The following CDIN1 variants were observed in gnomAD, a reference collection of about 807,000 sequenced individuals.
CDIN1 encodes CDAN1-interacting nuclease 1.
In CDIN1, 33 loss-of-function variants were observed where a neutral mutation model predicts 45.3. The observed-to-expected ratio is 0.73, with a 90% CI of 0.55 to 0.97. The LOEUF (loss-of-function observed/expected upper bound fraction) is 0.97. Ranked by LOEUF, CDIN1 falls within the 50% of genes least tolerant of loss-of-function variation. The pLI is 0.00. For synonymous variants in CDIN1, 118 were observed against 124.4 expected, an observed-to-expected ratio of 0.95 and a Z score of 0.34; for missense variants, 303 against 339.4, an observed-to-expected ratio of 0.89 and a Z score of 0.84.
chr15:36,625,352 CAT>C (rs1169435619), intron 1 of CDIN1, among the ~76,000 whole-genome samples: 2 of 151,930 alleles, frequency 1.3e-5, no homozygotes, highest in Non-Finnish European at 2.9e-5. Context: ...GCTTATTAGA[CAT>C]AGACTAGTAG....
intron 1 of CDIN1, among the ~76,000 whole-genome samples, chr15:36,603,291 CT>C (rs1177665150): frequency 6.6e-6 from 1 of 152,166 alleles, no homozygotes; most frequent in Admixed American, 6.5e-5. Context: ...ACCCGTCTCT[CT>C]GGTGGTTGTT....
chr15:36,703,211 C>T (rs1472987437), intron 8 of CDIN1, among the ~76,000 whole-genome samples: 1 of 51,738 alleles, frequency 1.9e-5, no homozygotes, highest in African/African-American at 1.1e-4. Flanking sequence ...GAGTGAGACC[C>T]TGTCTCAAAT....
At chr15:36,721,977 C>T (rs2043436603) in intron 10 of CDIN1, among the ~76,000 whole-genome samples, 2 of 152,068 alleles carry the variant, frequency 1.3e-5, no homozygotes, top group Non-Finnish European at 2.9e-5. Context: ...AATCAAATGG[C>T]TCACTCTTTG....
chr15:36,803,386 T>C (rs1025730959), intron 10 of CDIN1, among the ~76,000 whole-genome samples: 3 of 151,908 alleles, frequency 2.0e-5, no homozygotes, highest in African/African-American at 7.3e-5. Flanking sequence ...GAACCTAGGT[T>C]ATATCTGAAG....
chr15:36,621,455 G>A (rs2140312971), intron 1 of CDIN1, among the ~76,000 whole-genome samples: 1 of 152,178 alleles, frequency 6.6e-6, no homozygotes, highest in Admixed American at 6.5e-5. Flanking sequence ...TTATGACATG[G>A]TATACTATAT....
chr15:36,790,541 A>G (rs751802337), intron 10 of CDIN1, among the ~76,000 whole-genome samples: 4 of 152,232 alleles, frequency 2.6e-5, no homozygotes, highest in Non-Finnish European at 5.9e-5. Flanking sequence ...ATTGTTCCCA[A>G]CACATAGAAA....
intron 10 of CDIN1, among the ~76,000 whole-genome samples, chr15:36,783,994 AG>A (rs1463318235): frequency 6.6e-6 from 1 of 152,238 alleles, no homozygotes; most frequent in East Asian, 1.9e-4. Context: ...CAATACTGAC[AG>A]GGTTCATACA....
intron 8 of CDIN1, among the ~76,000 whole-genome samples, chr15:36,698,865 C>G (rs893040552): frequency 6.6e-6 from 1 of 152,140 alleles, no homozygotes; most frequent in African/African-American, 2.4e-5. Context: ...GGAAAAAAAG[C>G]AAAGGTTGTA....
At chr15:36,665,347 A>G (rs763833288) in intron 5 of CDIN1, among the ~76,000 whole-genome samples, 3 of 152,204 alleles carry the variant, frequency 2.0e-5, no homozygotes, top group Admixed American at 6.5e-5. Flanking sequence ...TCTATAACCC[A>G]TGATTGTGGG....
At chr15:36,712,253 A>G (rs1285839359) in intron 10 of CDIN1, among the ~76,000 whole-genome samples, 1 of 145,422 alleles carries the variant, frequency 6.9e-6, no homozygotes, top group Non-Finnish European at 1.5e-5. Flanking sequence ...CTATTTATAG[A>G]CTAATGCTTT....
At chr15:36,611,102 T>C (rs1263381340) in intron 1 of CDIN1, among the ~76,000 whole-genome samples, 14 of 152,214 alleles carry the variant, frequency 9.2e-5, no homozygotes, top group Admixed American at 9.2e-4. Context: ...AACAAGTTAT[T>C]TGAAAGAACT....
At chr15:36,720,602 T>G (rs1455371223) in intron 10 of CDIN1, among the ~76,000 whole-genome samples, 1 of 152,156 alleles carries the variant, frequency 6.6e-6, no homozygotes, top group African/African-American at 2.4e-5. Flanking sequence ...GGAAAGGAAA[T>G]GAACTCATCC....
intron 5 of CDIN1, among the ~76,000 whole-genome samples, chr15:36,668,456 C>T (rs2041330784): frequency 6.6e-6 from 1 of 152,084 alleles, no homozygotes; most frequent in African/African-American, 2.4e-5. Flanking sequence ...CTTAGTCATA[C>T]AGTTAGAAAG....
intron 1 of CDIN1, among the ~76,000 whole-genome samples, chr15:36,642,609 C>A (rs908701408): frequency 6.6e-6 from 1 of 152,218 alleles, no homozygotes; most frequent in Non-Finnish European, 1.5e-5. Flanking sequence ...ACAGTACTCT[C>A]AACTCCTGAC....
intron 1 of CDIN1, among the ~76,000 whole-genome samples, chr15:36,625,825 G>A (rs2039399226): frequency 6.6e-6 from 1 of 152,160 alleles, no homozygotes; most frequent in Non-Finnish European, 1.5e-5. Flanking sequence ...GGCTGCCATA[G>A]CAAAATACCA....
intron 4 of CDIN1, among the ~76,000 whole-genome samples, chr15:36,655,609 G>A (rs2040753232): frequency 6.6e-6 from 1 of 152,208 alleles, no homozygotes; most frequent in African/African-American, 2.4e-5. Flanking sequence ...ACAGGCGTGA[G>A]CCACCACGCC....
At chr15:36,686,498 A>T (rs563530639) in intron 5 of CDIN1, among the ~76,000 whole-genome samples, 1 of 150,850 alleles carries the variant, frequency 6.6e-6, no homozygotes, top group South Asian at 2.1e-4. Context: ...AGCATGGCAC[A>T]TGTATACATA....
chr15:36,595,934 C>T (rs372801127), intron 1 of CDIN1, among the ~76,000 whole-genome samples: 6 of 152,306 alleles, frequency 3.9e-5, no homozygotes, highest in Admixed American at 1.3e-4. Flanking sequence ...CGGTGCCCAC[C>T]GACCATTGCC....
At chr15:36,762,641 C>G (rs1476800510) in intron 10 of CDIN1, among the ~76,000 whole-genome samples, 6 of 151,720 alleles carry the variant, frequency 4.0e-5, no homozygotes, top group African/African-American at 1.5e-4. Context: ...TATCCCTCCC[C>G]ACTCCCACCA....
Sources: allele counts gnomAD v4.1 joint callset (sites outside exome capture counted in the v4.1 genomes callset), GRCh38; gene constraint gnomAD v4.1.1; transcripts MANE v1.5; gene names NCBI Gene and HGNC (gene_info 2026-07-23, HGNC 2026-07-21).